Variants in ARHGEF15 observed in about 807,000 individuals in gnomAD.
The protein encoded by ARHGEF15 is Rho guanine nucleotide exchange factor (GEF) 15.
ARHGEF15 carries 58 observed loss-of-function variants against 79.7 expected under a neutral mutation model. The observed-to-expected ratio is 0.73, with a 90% CI of 0.59 to 0.91. ARHGEF15 has a LOEUF of 0.91. Ranked by LOEUF, ARHGEF15 falls within the 40% of genes least tolerant of loss-of-function variation. The pLI is 0.00. For missense variants in ARHGEF15, 1,012 were observed against 1,108.1 expected, an observed-to-expected ratio of 0.91 and a Z score of 1.23; for synonymous variants, 442 against 456.0, an observed-to-expected ratio of 0.97 and a Z score of 0.39.
In ARHGEF15 at chr17:8,312,555, G is replaced by T. The variant is rs1226875462; in HGVS notation, c.516G>T (p.Glu172Asp). 1.9e-6 allele frequency: 3 copies of T among 1,609,052 alleles called. No homozygotes were observed. The South Asian group carries it at 3.3e-5, about 18-fold the overall frequency. The change falls in exon 2 of 16, where the codon GAG becomes GAT. Residue 172 changes from glutamate (E) to aspartate (D), a missense_variant. Transcript: ENST00000361926. Reference protein sequence around the residue: ...EGRAQDADAPEPGLQARADVN... With the variant: ...EGRAQDADAPDPGLQARADVN... ...GGGCTCAGGATGCAGATGCCCCGGA[G>T]CCAGGTCTCCAAGCGAGAGCAGATG...
intron 3 of ARHGEF15, 53 bp downstream of exon 3, chr17:8,313,307 CA>C (rs1904791574): frequency 7.0e-6 from 11 of 1,561,738 alleles, no homozygotes; most frequent in Admixed American, 1.8e-5. Flanking sequence ...AGGAGAGAGG[CA>C]GGGGGGAACT....
Position 8,315,440 on chromosome 17 carries a change from G to A in ARHGEF15, c.1287G>A (p.Glu429=). 3.1e-6 allele frequency: 5 copies of A among 1,613,914 alleles called. No individual in the cohort carries two copies. The highest frequency in any genetic ancestry group is 4.2e-6 in the Non-Finnish European group (5 of 1,180,000). ...GTCTTTTCGAGGTGGTGACGTCCGA[G>A]GCTTCCTACCTGCGCTCCCTGCGGC... ...QESLFEVVTS[E]ASYLRSLRLL... The change falls in exon 7 of 16, where the codon GAG becomes GAA. Residue 429 remains glutamate, a synonymous_variant. Coordinates refer to ENST00000361926, the MANE Select transcript of ARHGEF15 (RefSeq NM_173728.4). The surrounding 1 kb of genome is among the most constrained non-coding windows in gnomAD (Gnocchi z 4.3).
Position 8,312,939 on chromosome 17 carries a change from C to A in ARHGEF15, c.619C>A (p.Pro207Thr). The change falls in exon 3 of 16, where the codon CCT becomes ACT. Residue 207 changes from proline to threonine, a missense_variant. Coordinates refer to ENST00000361926, the MANE Select transcript of ARHGEF15 (RefSeq NM_173728.4). Reference sequence around the variant, plus strand: ...TCCCACAGATGCTGGCCTGGCCTGCCCTCCCTGCTGCCCCTGTGTCTGCCA... The same window carrying A: ...TCCCACAGATGCTGGCCTGGCCTGCACTCCCTGCTGCCCCTGTGTCTGCCA... ...NGAPDAGLAC[P>T]PCCPCVCHTT... 2 of 1,579,962 alleles carry A rather than the reference C, an allele frequency of 1.3e-6. No homozygotes were observed. Among genetic ancestry groups the A allele is most frequent in the Non-Finnish European group, 8.6e-7 (1 of 1,163,042 alleles).
At chr17:8,313,464 A>C (rs1173175250) in intron 3 of ARHGEF15, 37 bp from the exon 4 acceptor site, 2 of 1,595,242 alleles carry the variant, frequency 1.3e-6, no homozygotes, top group African/African-American at 1.4e-5. Context: ...GGGATCCTGG[A>C]GTTTTTTTTT....
chr17:8,312,266 T>C lies in ARHGEF15; in HGVS notation c.227T>C (p.Leu76Ser). 7.4e-7 allele frequency: 1 copy of C among 1,344,658 alleles called. No individual in the cohort carries two copies. Among genetic ancestry groups the C allele is most frequent in the East Asian group, 3.4e-5 (1 of 29,246 alleles). The allele number at this position is 1,344,658 out of a possible 1,614,324, so 83.3% of individuals were successfully genotyped here. A position where few individuals can be genotyped will look rare whatever the true frequency, so the allele number is the denominator to read the frequency against. Reference sequence around the variant, plus strand: ...GCATCCCTCAAGCCCCCTGCTCTTTTGCCCCCCTCAGCTTCTAGAGCCAGC... The same window carrying C: ...GCATCCCTCAAGCCCCCTGCTCTTTCGCCCCCCTCAGCTTCTAGAGCCAGC... ...PAASLKPPALLPPSASRASLD... is the reference protein window; with the variant it reads ...PAASLKPPALSPPSASRASLD... The change falls in exon 2 of 16, where the codon TTG (leucine) becomes TCG (serine). Residue 76 changes from leucine (L) to serine (S), a missense_variant. Leu to Ser is a moderately radical substitution (Grantham distance 145). This residue lies in a region of ARHGEF15 where 818 missense variants were observed against 882.5 expected (regional missense o/e 0.93). Transcript: ENST00000361926.
rs1433900822 is a variant in ARHGEF15, at chr17:8,322,154, C to T, written c.*1161C>T. The stretch of plus-strand genomic sequence containing the variant: ...TTGTCCTGATCCTCTCACAGAAACA[C>T]TGGGCCAAACAGTGGGGAGAGATTG... On this transcript the variant is annotated 3_prime_UTR_variant, in exon 16 of 16. Transcript: ENST00000361926. The T allele has an allele frequency of 6.5e-6, 1 of 152,724 alleles. No individual in the cohort carries two copies. Among genetic ancestry groups the T allele is most frequent in the Non-Finnish European group, 1.5e-5 (1 of 68,168 alleles). 9.5% of individuals were successfully genotyped at this position (152,724 alleles called of 1,614,324 possible). A position where few individuals can be genotyped will look rare whatever the true frequency, so the allele number is the denominator to read the frequency against.
Position 8,318,564 on chromosome 17 carries a change from A to G in ARHGEF15, c.1780-6A>G, listed in dbSNP as rs1905173004. On this transcript the variant is annotated splice_region_variant and splice_polypyrimidine_tract_variant and intron_variant, in intron 10 of 15. Coordinates refer to ENST00000361926, the MANE Select transcript of ARHGEF15 (RefSeq NM_173728.4). The surrounding 1 kb of genome is among the most constrained non-coding windows in gnomAD (Gnocchi z 5.0). ...CTGGGGTGGTGACACAGCTCCCCTT[A>G]CCTAGATCATCGAGCGTTGCAGCGC... 1 of 1,613,120 alleles carries G rather than the reference A, an allele frequency of 6.2e-7. No homozygotes were observed. Among genetic ancestry groups the G allele is most frequent in the African/African-American group, 1.3e-5 (1 of 74,892 alleles).
Position 8,319,595 on chromosome 17 carries a change from C to A in ARHGEF15, c.2366C>A (p.Thr789Asn), listed in dbSNP as rs76729434. 1,201 of 1,567,452 alleles carry A rather than the reference C, an allele frequency of 7.7e-4. 11 individuals are homozygous for A. In the African/African-American group the frequency reaches 0.015, roughly 19 times the overall value. ...GCTGCCCCCAAACACCTGCACAAGACCCCTGAAGGTGAGAAAGTCTTTCAT... is the reference window on the plus strand; with the variant it reads ...GCTGCCCCCAAACACCTGCACAAGAACCCTGAAGGTGAGAAAGTCTTTCAT... ...SRAAPKHLHK[T>N]PEGWLKGLPG... Residue 789 changes from threonine (T) to asparagine (N), a missense_variant, in exon 15 of 16, where the codon ACC becomes AAC. Physicochemically the swap from Thr to Asn is moderately conservative, Grantham distance 65. Coordinates refer to ENST00000361926, the MANE Select transcript of ARHGEF15 (RefSeq NM_173728.4).
At chr17:8,310,852 G>T in intron 1 of ARHGEF15, 1 of 152,146 alleles carries the variant, frequency 6.6e-6, no homozygotes. Flanking sequence ...TGAGAGTGGA[G>T]GGGATTCAAG....
intron 1 of ARHGEF15, among the ~76,000 whole-genome samples, chr17:8,311,506 G>A (rs1904609557): frequency 6.6e-6 from 1 of 152,012 alleles, no homozygotes; most frequent in Admixed American, 6.5e-5. Flanking sequence ...AGAGGAACTG[G>A]GAAATGGGGG....
chr17:8,318,368 C>G lies in ARHGEF15; in HGVS notation c.1705-19C>G. On this transcript the variant is annotated intron_variant, in intron 9 of 15. Transcript: ENST00000361926. This position sits in a 1 kb window ranked among gnomAD's most constrained non-coding sequence, Gnocchi z 5.0. ...GCCACAGAGCAGGGGGCCCAGTCAC[C>G]CTTCCTCCTTGTCCCCAGAATATCC... The G allele has an allele frequency of 1.2e-6, 2 of 1,611,680 alleles. No homozygotes were observed. The highest frequency in any genetic ancestry group is 1.7e-6 in the Non-Finnish European group (2 of 1,179,120).
chr17:8,312,069 A>AGGGGGGGCG lies in ARHGEF15; in HGVS notation c.30_31insGGGGGGGCG (p.Thr10_Pro11insGlyGlyAla). On this transcript the variant is annotated inframe_insertion, in exon 2 of 16. Transcript: ENST00000361926. Reference sequence around the variant, plus strand: ...CAGCCCAGTCCCTTCCTGCAGCAACACCCCCCACGCAGAAGCCCCCTCGGA... The same window carrying AGGGGGGGCG: ...CAGCCCAGTCCCTTCCTGCAGCAACAGGGGGGGCGCCCCCCACGCAGAAGCCCCCTCGGA... 7.4e-7 allele frequency: 1 copy of AGGGGGGGCG among 1,348,752 alleles called. No individual in the cohort carries two copies. The highest frequency in any genetic ancestry group is 9.9e-7 in the Non-Finnish European group (1 of 1,009,180). 83.5% of individuals were successfully genotyped at this position (1,348,752 alleles called of 1,614,324 possible).
chr17:8,313,467 T>A, intron 3 of ARHGEF15, 34 bp from the exon 4 acceptor site: 1 of 1,603,034 alleles, frequency 6.2e-7, no homozygotes, highest in Non-Finnish European at 8.5e-7. Context: ...ATCCTGGAGT[T>A]TTTTTTTCTC....
At position 8,315,285 on chromosome 17, in the gene ARHGEF15, C is replaced by T. The variant is rs73975818; in HGVS notation, c.1260+8C>T. 1.2e-6 allele frequency: 2 copies of T among 1,612,240 alleles called. No individual in the cohort carries two copies. The highest frequency in any genetic ancestry group is 1.7e-6 in the Non-Finnish European group (2 of 1,179,536). ...GAGAGGCGCATGCAGGAGGTGGGAG[C>T]TGGAGGTGGGAGATGGGAGGGGGGT... On this transcript the variant is annotated splice_region_variant and intron_variant, in intron 6 of 15. Coordinates refer to ENST00000361926, the MANE Select transcript of ARHGEF15 (RefSeq NM_173728.4). The surrounding 1 kb of genome is among the most constrained non-coding windows in gnomAD (Gnocchi z 4.3).
rs372665169 is a variant in ARHGEF15, at chr17:8,316,532, C to G, written c.1704+384C>G. Among the ~76,000 whole-genome samples the G allele has an allele frequency of 2.6e-5, 4 of 152,330 alleles. No individual in the cohort carries two copies. In the East Asian group the frequency reaches 5.8e-4, roughly 22 times the overall value. On this transcript the variant is annotated intron_variant, in intron 9 of 15. Transcript: ENST00000361926. The stretch of plus-strand genomic sequence containing the variant: ...TGGCTATATTCTTCTACCCACATGC[C>G]TTCCCAGCTGGGGTGGTATCACCCC...
chr17:8,316,177 C>A (rs1905023009), intron 9 of ARHGEF15, 29 bp downstream of exon 9: 1 of 1,592,866 alleles, frequency 6.3e-7, no homozygotes, highest in Non-Finnish European at 8.5e-7. Context: ...GCCGTTTCTG[C>A]CCCACCAACC....
chr17:8,315,486 C>A lies in ARHGEF15; in HGVS notation c.1333C>A (p.Leu445Met), dbSNP rs773670378. Residue 445 changes from leucine to methionine, a missense_variant, in exon 7 of 16, where the codon CTG becomes ATG. Transcript: ENST00000361926. The surrounding 1 kb of genome is among the most constrained non-coding windows in gnomAD (Gnocchi z 4.3). ...GCGGCTGCTGACCGACACCTTCGTG[C>A]TGAGCCAGGCACTCCGGGACACGCT... ...SLRLLTDTFV[L>M]SQALRDTLTP... is the part of the protein sequence containing the mutation. 1.2e-6 allele frequency: 2 copies of A among 1,613,640 alleles called. No homozygotes were observed. The highest frequency in any genetic ancestry group is 1.7e-6 in the Non-Finnish European group (2 of 1,180,020).
chr17:8,311,109 G>A (rs9908765), intron 1 of ARHGEF15, among the ~76,000 whole-genome samples: 86,788 of 151,706 alleles, frequency 0.57, 25,439 homozygotes, highest in East Asian at 0.75. Context: ...CAAGGAGCCA[G>A]TCCGAGGCCT....
At chr17:8,316,564 G>A (rs546272867) in intron 9 of ARHGEF15, among the ~76,000 whole-genome samples, 65 of 152,318 alleles carry the variant, frequency 4.3e-4, no homozygotes, top group African/African-American at 1.5e-3. Flanking sequence ...CCCCCAAGGG[G>A]GCAAAAATTG....
Sources: gnomAD v4.1 joint callset for allele counts (sites outside exome capture counted in the v4.1 genomes callset) on GRCh38, gnomAD v4.1.1 for gene constraint, gnomAD v4.1.1 regional missense constraint, Gnocchi (gnomAD v3.1) non-coding constraint, MANE v1.5 for transcripts, NCBI Gene and HGNC (gene_info 2026-07-23, HGNC 2026-07-21) for gene names.